Variants in GLG1 observed in about 807,000 individuals in gnomAD.
GLG1 encodes Golgi apparatus protein 1.
A neutral mutation model predicts 160.5 loss-of-function variants in GLG1; 38 were observed. The observed-to-expected ratio is 0.24, with a 90% CI of 0.18 to 0.31. The LOEUF (loss-of-function observed/expected upper bound fraction) is 0.31. Ranked by LOEUF, GLG1 falls within the 10% of genes least tolerant of loss-of-function variation. The pLI is 1.00. For missense variants in GLG1, 1,373 were observed against 1,505.2 expected (o/e 0.91, Z 1.45); for synonymous variants, 644 against 543.4 (o/e 1.19, Z -2.57).
chr16:74,600,636 G>A (rs1382490742), intron 1 of GLG1, among the ~76,000 whole-genome samples: 13 of 149,974 alleles, frequency 8.7e-5, no homozygotes, highest in Non-Finnish European at 1.9e-4. Context: ...GGAGGCTGAG[G>A]CAGAAAAATC....
intron 1 of GLG1, among the ~76,000 whole-genome samples, chr16:74,590,008 G>GTTA (rs1461980437): frequency 6.6e-6 from 1 of 151,666 alleles, no homozygotes; most frequent in Non-Finnish European, 1.5e-5. Flanking sequence ...TGTTGTTGTT[G>GTTA]TTGTTTTTTT....
At chr16:74,602,763 A>T (rs1184393066) in intron 1 of GLG1, among the ~76,000 whole-genome samples, 1 of 151,102 alleles carries the variant, frequency 6.6e-6, no homozygotes, top group East Asian at 2.0e-4. Flanking sequence ...AGCCTGGGTG[A>T]CAGAGTGAGA....
At chr16:74,538,805 A>G (rs1320237889) in intron 1 of GLG1, among the ~76,000 whole-genome samples, 4 of 149,798 alleles carry the variant, frequency 2.7e-5, no homozygotes, top group African/African-American at 4.9e-5. Flanking sequence ...ATCATCATAC[A>G]AGGCTGAATG....
Position 74,508,909 on chromosome 16 carries a change from T to A in GLG1, c.488A>T (p.Lys163Met). The stretch of plus-strand genomic sequence containing the variant: ...TTTGGGATCTGTAGTTAGGTTCAGC[T>A]TATAATTCCACAACAACTAGATAGG... Reference protein sequence around the residue: ...SDCNHLLWNYKLNLTTDPKFE... With the variant: ...SDCNHLLWNYMLNLTTDPKFE... Residue 163 changes from lysine (K) to methionine (M), a missense_variant, in exon 3 of 26, where the codon AAG becomes ATG. Physicochemically the swap from Lys to Met is moderately conservative, Grantham distance 95. Around this residue, in one of 4 missense-constraint regions of GLG1, gnomAD observed 322 missense variants for 254.6 expected, o/e 1.26. Coordinates refer to ENST00000422840, the MANE Select transcript of GLG1 (RefSeq NM_001145667.2). 1 of 1,460,898 alleles carries A rather than the reference T, an allele frequency of 6.8e-7. No homozygotes were observed. Among genetic ancestry groups the A allele is most frequent in the Non-Finnish European group, 9.6e-7 (1 of 1,042,868 alleles). The allele number at this position is 1,460,898 out of a possible 1,614,324, so 90.5% of individuals were successfully genotyped here.
At chr16:74,458,074 C>G in intron 23 of GLG1, 80 bp from the exon 24 acceptor site, 1 of 1,397,978 alleles carries the variant, frequency 7.2e-7, no homozygotes, top group Non-Finnish European at 1.0e-6. Flanking sequence ...ACTTCATATA[C>G]TAATAAAAAA....
At chr16:74,496,142 C>T (rs1462112247) in intron 5 of GLG1, among the ~76,000 whole-genome samples, 2 of 152,012 alleles carry the variant, frequency 1.3e-5, no homozygotes. Flanking sequence ...ATGGTGCTTG[C>T]CTATGGTTTT....
chr16:74,563,614 C>G (rs550589141), intron 1 of GLG1, among the ~76,000 whole-genome samples: 2 of 151,536 alleles, frequency 1.3e-5, no homozygotes, highest in East Asian at 3.9e-4. Flanking sequence ...GTAGTCCCAG[C>G]TATTTGCGAG....
At chr16:74,517,331 C>T (rs1274291592) in intron 2 of GLG1, among the ~76,000 whole-genome samples, 1 of 152,188 alleles carries the variant, frequency 6.6e-6, no homozygotes, top group African/African-American at 2.4e-5. Flanking sequence ...TCCAGCAGCA[C>T]ATCAAAAAGC....
intron 1 of GLG1, among the ~76,000 whole-genome samples, chr16:74,603,565 T>C (rs2143923894): frequency 6.6e-6 from 1 of 152,034 alleles, no homozygotes; most frequent in Non-Finnish European, 1.5e-5. Flanking sequence ...TGTGAGCCAC[T>C]GCGCCCGGCT....
intron 19 of GLG1, among the ~76,000 whole-genome samples, chr16:74,465,219 C>T (rs951005915): frequency 1.3e-5 from 2 of 152,180 alleles, no homozygotes; most frequent in Non-Finnish European, 2.9e-5. Context: ...GCAGGGAATA[C>T]CTGCTGGAGG....
intron 8 of GLG1, among the ~76,000 whole-genome samples, chr16:74,487,005 C>G (rs2015815624): frequency 6.6e-6 from 1 of 151,366 alleles, no homozygotes; most frequent in East Asian, 2.0e-4. Flanking sequence ...CCTCCACTTC[C>G]CGGGTTCAAG....
At chr16:74,507,736 A>C (rs2143483761) in intron 3 of GLG1, among the ~76,000 whole-genome samples, 1 of 149,134 alleles carries the variant, frequency 6.7e-6, no homozygotes, top group Non-Finnish European at 1.5e-5. Context: ...ACTCCATCTC[A>C]AAAAAAAAAA....
At chr16:74,498,448 G>GTGTATATATATATATATATTATATATATA (rs1491436581) in intron 4 of GLG1, among the ~76,000 whole-genome samples, 3 of 24,054 alleles carry the variant, frequency 1.2e-4, no homozygotes, top group Admixed American at 1.4e-3. Flanking sequence ...AAAAAAAAAA[G>GTGTATATATATATATATATTATATATATA]TATATATATA....
intron 1 of GLG1, among the ~76,000 whole-genome samples, chr16:74,556,371 C>A (rs939378011): frequency 1.3e-5 from 2 of 152,074 alleles, no homozygotes; most frequent in Non-Finnish European, 2.9e-5. Flanking sequence ...AGTTCTTTGA[C>A]TAGGAAAAAT....
Position 74,457,910 on chromosome 16 carries a change from G to A in GLG1, c.3229C>T (p.His1077Tyr), listed in dbSNP as rs770658501. ...LHTACALDIK[H>Y]HCAAITPGRG... ...CCAGGGGTGATGGCTGCGCAGTGGT[G>A]TTTAATGTCCAGGGCACAAGCAGTA... The change falls in exon 24 of 26, where the codon CAC becomes TAC. Residue 1077 changes from histidine (H) to tyrosine (Y), a missense_variant. By Grantham distance (83) the His-to-Tyr change is moderately conservative. This residue lies in a region of GLG1 where 491 missense variants were observed against 632.1 expected (regional missense o/e 0.78). Coordinates refer to ENST00000422840, the MANE Select transcript of GLG1 (RefSeq NM_001145667.2). 1.2e-6 allele frequency: 2 copies of A among 1,613,984 alleles called. No homozygotes were observed. Among genetic ancestry groups the A allele is most frequent in the Non-Finnish European group, 1.7e-6 (2 of 1,179,870 alleles).
intron 2 of GLG1, among the ~76,000 whole-genome samples, chr16:74,528,811 CAAAAAAAAAAA>C (rs35777516): frequency 3.3e-4 from 21 of 62,796 alleles, no homozygotes; most frequent in African/African-American, 8.0e-4. Flanking sequence ...GATTCTGTCT[CAAAAAAAAAAA>C]AAAAAAAAAA....
At position 74,558,704 on chromosome 16, in the gene GLG1, A is replaced by C. The variant is rs115993568; in HGVS notation, c.439-26551T>G. On this transcript the variant is annotated intron_variant, in intron 1 of 25. Transcript: ENST00000422840. ...TATTTCTTACCCCCAAAGGATGCGGAAAGTTTCCTATATTAACTATTTTGA... is the reference window on the plus strand; with the variant it reads ...TATTTCTTACCCCCAAAGGATGCGGCAAGTTTCCTATATTAACTATTTTGA... Among the ~76,000 whole-genome samples, 423 of 152,340 alleles carry C rather than the reference A, an allele frequency of 2.8e-3. 4 individuals are homozygous for C. The highest frequency in any genetic ancestry group is 9.5e-3 in the African/African-American group (397 of 41,580).
At chr16:74,464,836 A>T (rs986825474) in intron 19 of GLG1, among the ~76,000 whole-genome samples, 3 of 80,400 alleles carry the variant, frequency 3.7e-5, no homozygotes, top group African/African-American at 1.2e-4. Flanking sequence ...GTTTAAGTTT[A>T]AAAAAAATTT....
At chr16:74,512,221 C>T (rs887883573) in intron 2 of GLG1, among the ~76,000 whole-genome samples, 8 of 142,104 alleles carry the variant, frequency 5.6e-5, no homozygotes, top group East Asian at 2.2e-4. Flanking sequence ...TGCAGTGGCG[C>T]GATCTCGACT....
Sources: gnomAD v4.1 joint callset for allele counts (sites outside exome capture counted in the v4.1 genomes callset) on GRCh38, gnomAD v4.1.1 for gene constraint, gnomAD v4.1.1 regional missense constraint, MANE v1.5 for transcripts, NCBI Gene and HGNC (gene_info 2026-07-23, HGNC 2026-07-21) for gene names.